The following HEPH variants were observed in gnomAD, a reference collection of about 807,000 sequenced individuals.
The protein encoded by HEPH is hephaestin.
Under a neutral mutation model 80.8 loss-of-function variants are expected in HEPH, and 69 were observed. The ratio of observed to expected loss-of-function variants is 0.85; its 90% confidence interval spans 0.70 to 1.04. HEPH has a LOEUF of 1.04. HEPH is among the 50% of genes least tolerant of loss of function. The probability of loss-of-function intolerance (pLI) is 0.00; values close to 1 mark genes in which losing one functional copy is unlikely to be tolerated. For missense variants in HEPH, 1,115 were observed against 891.3 expected (o/e 1.25, Z -3.20); for synonymous variants, 431 against 322.8 (o/e 1.34, Z -3.60).
At chrX:66,256,037 C>A in intron 16 of HEPH, 68 bp from the exon 17 acceptor site, 1 of 829,076 alleles carries the variant, frequency 1.2e-6, no homozygotes, top group South Asian at 2.5e-5. Context: ...AGCTGGCTCC[C>A]TGCGGAGTAC....
intron 15 of HEPH, among the ~76,000 whole-genome samples, chrX:66,242,696 G>T (rs1323936010): frequency 2.7e-5 from 3 of 111,812 alleles, no homozygotes; most frequent in Non-Finnish European, 5.7e-5. Context: ...ATGGACAAAA[G>T]ACACGAACAG....
chrX:66,176,148 G>T (rs1319693354), intron 4 of HEPH, among the ~76,000 whole-genome samples: 1 of 111,640 alleles, frequency 9.0e-6, no homozygotes, highest in Non-Finnish European at 1.9e-5. Flanking sequence ...GTTGGCTGTG[G>T]GTTTGTCATA....
chrX:66,194,464 C>T (rs780743627), intron 8 of HEPH, among the ~76,000 whole-genome samples: 3 of 111,612 alleles, frequency 2.7e-5, no homozygotes, highest in African/African-American at 6.5e-5. Context: ...GAGTTAGAGC[C>T]GGAATAAGTG....
In HEPH at chrX:66,258,000, CATT is replaced by C. The variant is rs772116320; in HGVS notation, c.2897-835_2897-833del. 2.8e-4 allele frequency among the ~76,000 whole-genome samples: 31 copies of C among 111,709 alleles called. No homozygotes were observed. In the South Asian group the frequency reaches 0.011, roughly 41 times the overall value. ...CATTATTAATTCCATGCATTAATAT[CATT>C]ATTAATTCTATGCATTAATGTTATT... On this transcript the variant is annotated intron_variant, in intron 17 of 20. Coordinates refer to ENST00000343002, the MANE Select transcript of HEPH (RefSeq NM_001367233.3).
chrX:66,251,629 G>C (rs757066342), intron 15 of HEPH, among the ~76,000 whole-genome samples: 2 of 111,129 alleles, frequency 1.8e-5, no homozygotes, highest in African/African-American at 6.5e-5. Flanking sequence ...GTCAGTCCAG[G>C]GCTCTCTGAG....
chrX:66,226,146 C>T lies in HEPH; in HGVS notation c.2563+17900C>T, dbSNP rs773155377. On this transcript the variant is annotated intron_variant, in intron 15 of 20. Transcript: ENST00000343002. The stretch of plus-strand genomic sequence containing the variant: ...GTCTGTAATCTACAGATAACATAAC[C>T]GATTAGGCTGGGGTTGATCTTTAAC... 6.3e-5 allele frequency among the ~76,000 whole-genome samples: 7 copies of T among 111,793 alleles called. No homozygotes were observed. In the East Asian group the frequency reaches 8.4e-4, roughly 13 times the overall value.
At chrX:66,201,194 T>C (rs1287371084) in intron 12 of HEPH, among the ~76,000 whole-genome samples, 2 of 110,698 alleles carry the variant, frequency 1.8e-5, no homozygotes, top group African/African-American at 6.6e-5. Context: ...TCTTTCTCTT[T>C]CTACCCATGA....
At chrX:66,243,893 G>A (rs2090704176) in intron 15 of HEPH, among the ~76,000 whole-genome samples, 1 of 112,110 alleles carries the variant, frequency 8.9e-6, no homozygotes, top group Non-Finnish European at 1.9e-5. Context: ...TTGCCTGCCT[G>A]AAAAGGATCT....
intron 15 of HEPH, among the ~76,000 whole-genome samples, chrX:66,226,286 G>A (rs2089887011): frequency 9.0e-6 from 1 of 111,448 alleles, no homozygotes; most frequent in African/African-American, 3.3e-5. Context: ...AATATGAGGG[G>A]TGGTCTCCTC....
At position 66,191,982 on chromosome X, in the gene HEPH, A is replaced by G. The variant is rs2087815328; in HGVS notation, c.1064-148A>G. The G allele has an allele frequency of 1.2e-5, 6 of 485,819 alleles. No homozygotes were observed. The Admixed American group carries it at 2.0e-4, about 16-fold the overall frequency. 40.0% of individuals were successfully genotyped at this position (485,819 alleles called of 1,213,427 possible). On this transcript the variant is annotated intron_variant, in intron 6 of 20. Transcript: ENST00000343002. The stretch of plus-strand genomic sequence containing the variant: ...CTCTCTCTCAGCCATGCACTTTAAG[A>G]GTGAGAGAAAGCGGCCCATTTTGGA...
intron 15 of HEPH, among the ~76,000 whole-genome samples, chrX:66,247,402 T>C (rs958179420): frequency 1.2e-4 from 13 of 108,270 alleles, no homozygotes; most frequent in Admixed American, 6.2e-4. Context: ...TCCATTGTCC[T>C]ATCATCAAGT....
At chrX:66,189,657 A>C in intron 5 of HEPH, 27 bp from the exon 6 acceptor site, 1 of 1,198,894 alleles carries the variant, frequency 8.3e-7, no homozygotes, top group Non-Finnish European at 1.1e-6. Flanking sequence ...CCTAATCCTG[A>C]TATTTTCTTT....
chrX:66,214,423 C>A (rs966000507), intron 15 of HEPH, among the ~76,000 whole-genome samples: 1 of 111,668 alleles, frequency 9.0e-6, no homozygotes, highest in African/African-American at 3.2e-5. Flanking sequence ...TTAAACATGG[C>A]AGATATCTTT....
intron 6 of HEPH, 127 bp downstream of exon 6, chrX:66,190,065 G>A (rs2087709982): frequency 2.9e-6 from 2 of 686,399 alleles, no homozygotes; most frequent in African/African-American, 4.6e-5. Flanking sequence ...ATAAAGGATA[G>A]CACACTAGAT....
At position 66,210,714 on chromosome X, in the gene HEPH, G is replaced by A. The variant is rs181604537; in HGVS notation, c.2563+2468G>A. Among the ~76,000 whole-genome samples the A allele has an allele frequency of 1.1e-4, 12 of 111,231 alleles. No individual in the cohort carries two copies. The East Asian group carries it at 2.5e-3, about 24-fold the overall frequency. On this transcript the variant is annotated intron_variant, in intron 15 of 20. Transcript: ENST00000343002. ...AACAAAGGTAATAGAAAATGAGAAT[G>A]GAGACAACTAGATAAATTTGAGAGA...
At chrX:66,221,180 G>A (rs1090840) in intron 15 of HEPH, among the ~76,000 whole-genome samples, 31,981 of 110,366 alleles carry the variant, frequency 0.29, 4,232 homozygotes, top group African/African-American at 0.51. Context: ...CTTTGCAGGG[G>A]TTGGCACAGC....
intron 8 of HEPH, 86 bp downstream of exon 8, chrX:66,193,724 G>A: frequency 2.9e-6 from 2 of 690,690 alleles, no homozygotes; most frequent in South Asian, 6.7e-5. Context: ...ACATCACTTA[G>A]GAGCACATTG....
At chrX:66,253,689 C>T (rs773123247) in intron 15 of HEPH, among the ~76,000 whole-genome samples, 2 of 111,755 alleles carry the variant, frequency 1.8e-5, no homozygotes, top group Non-Finnish European at 3.8e-5. Context: ...GGAAATGACC[C>T]AAATGTTCAT....
At chrX:66,246,495 T>C (rs1239008122) in intron 15 of HEPH, among the ~76,000 whole-genome samples, 1 of 111,289 alleles carries the variant, frequency 9.0e-6, no homozygotes, top group African/African-American at 3.3e-5. Flanking sequence ...TGGTCTATTC[T>C]GTGGCCTAAG....
Sources: gnomAD v4.1 joint callset for allele counts (sites outside exome capture counted in the v4.1 genomes callset) on GRCh38, gnomAD v4.1.1 for gene constraint, MANE v1.5 for transcripts, NCBI Gene and HGNC (gene_info 2026-07-23, HGNC 2026-07-21) for gene names.